The following PDE4D variants were observed in gnomAD, a reference collection of about 807,000 sequenced individuals.
The protein encoded by PDE4D is 3',5'-cyclic-AMP phosphodiesterase 4D.
Under a neutral mutation model 87.4 loss-of-function variants are expected in PDE4D, and 24 were observed. The observed-to-expected ratio is 0.27, with a 90% CI of 0.20 to 0.39. The LOEUF (loss-of-function observed/expected upper bound fraction) is 0.39, where lower values mean the gene tolerates loss of function less well. PDE4D is among the 10% of genes least tolerant of loss of function. The pLI is 1.00. For missense variants in PDE4D, 714 were observed against 1,041.0 expected, an observed-to-expected ratio of 0.69 and a Z score of 4.32; for synonymous variants, 384 against 383.2, an observed-to-expected ratio of 1.00 and a Z score of -0.02.
intron 2 of PDE4D, among the ~76,000 whole-genome samples, chr5:60,161,352 TC>T (rs1782460468): frequency 6.6e-6 from 1 of 152,040 alleles, no homozygotes; most frequent in Non-Finnish European, 1.5e-5. Flanking sequence ...ATCACCCATG[TC>T]CCCCTTCTTC....
intron 1 of PDE4D, among the ~76,000 whole-genome samples, chr5:59,850,716 A>C (rs7705119): frequency 6.6e-6 from 1 of 151,898 alleles, no homozygotes; most frequent in East Asian, 1.9e-4. Flanking sequence ...CCGTGGGAGG[A>C]GTCATGGCTT....
intron 2 of PDE4D, among the ~76,000 whole-genome samples, chr5:60,037,460 AATACATATAACTTAC>A (rs2152864740): frequency 6.6e-6 from 1 of 152,300 alleles, no homozygotes; most frequent in South Asian, 2.1e-4. Flanking sequence ...GACTCTCACT[AATACATATAACTTAC>A]TTTTTAGTCT....
intron 1 of PDE4D, among the ~76,000 whole-genome samples, chr5:60,218,550 G>A (rs1369619661): frequency 6.6e-6 from 1 of 151,976 alleles, no homozygotes; most frequent in Non-Finnish European, 1.5e-5. Flanking sequence ...CCACACAGAT[G>A]TCCTAATTCC....
At chr5:60,482,743 A>G (rs1748829747) in intron 1 of PDE4D, among the ~76,000 whole-genome samples, 1 of 152,240 alleles carries the variant, frequency 6.6e-6, no homozygotes, top group Non-Finnish European at 1.5e-5. Context: ...TGTAGAATCT[A>G]ATAAGGATAT....
At chr5:59,842,352 T>G (rs985456038) in intron 1 of PDE4D, among the ~76,000 whole-genome samples, 2 of 152,032 alleles carry the variant, frequency 1.3e-5, no homozygotes, top group Admixed American at 6.6e-5. Flanking sequence ...TCCTCAAGAC[T>G]TTAGTGTATT....
chr5:59,079,694 G>A (rs1766338893), intron 5 of PDE4D, among the ~76,000 whole-genome samples: 1 of 106,538 alleles, frequency 9.4e-6, no homozygotes, highest in Admixed American at 9.5e-5. Context: ...ATAATAATAA[G>A]CTGGGCATAA....
intron 1 of PDE4D, among the ~76,000 whole-genome samples, chr5:60,431,277 G>C (rs1008971475): frequency 6.6e-6 from 1 of 151,422 alleles, no homozygotes; most frequent in South Asian, 2.1e-4. Context: ...CTTCTCAGAC[G>C]GGGCAGCTGC....
Position 59,142,778 on chromosome 5 carries a change from G to A in PDE4D, c.808+37817C>T, listed in dbSNP as rs186198100. ...TAAAAATACAACAAATTAGCCAGGCGTGGTGGCACACGCCTGTAGTCCCAG... is the reference window on the plus strand; with the variant it reads ...TAAAAATACAACAAATTAGCCAGGCATGGTGGCACACGCCTGTAGTCCCAG... On this transcript the variant is annotated intron_variant, in intron 5 of 14. Coordinates refer to ENST00000340635, the MANE Select transcript of PDE4D (RefSeq NM_001104631.2). Among the ~76,000 whole-genome samples, 1,095 of 152,240 alleles carry A rather than the reference G, an allele frequency of 7.2e-3. 16 individuals carry two copies. Among genetic ancestry groups the A allele is most frequent in the Non-Finnish European group, 8.1e-3 (553 of 68,012 alleles).
At position 60,485,571 on chromosome 5, in the gene PDE4D, G is replaced by A. The variant is rs1041322258; in HGVS notation, c.-90+2371C>T. Among the ~76,000 whole-genome samples, 15 of 152,184 alleles carry A rather than the reference G, an allele frequency of 9.9e-5. No homozygotes were observed. The South Asian group carries it at 1.7e-3, about 17-fold the overall frequency. The stretch of plus-strand genomic sequence containing the variant: ...ACATTCCTTTTTGGATACATCTTTC[G>A]TCAAATCCATCTGTCTATGGCAGAT... On this transcript the variant is annotated intron_variant, in intron 1 of 16. Transcript: ENST00000502484.
intron 1 of PDE4D, among the ~76,000 whole-genome samples, chr5:59,692,272 A>T (rs1229062082): frequency 6.6e-6 from 1 of 152,134 alleles, no homozygotes; most frequent in East Asian, 1.9e-4. Flanking sequence ...GGAGGGTCTT[A>T]AGGATCCGCT....
At chr5:59,139,402 G>A (rs779139225) in intron 5 of PDE4D, among the ~76,000 whole-genome samples, 4 of 152,142 alleles carry the variant, frequency 2.6e-5, no homozygotes, top group Admixed American at 6.5e-5. Flanking sequence ...TCATTTTACC[G>A]CAGAACATTG....
rs574826015 is a variant in PDE4D, at chr5:59,726,846, AATATAGAAGATCAACT to A, written c.455+166306_455+166321del. On this transcript the variant is annotated intron_variant, in intron 1 of 14. Coordinates refer to ENST00000340635, the MANE Select transcript of PDE4D (RefSeq NM_001104631.2). ...ATACATATATGTAAACTATATTTTG[AATATAGAAGATCAACT>A]ATATAGAAGATCAACTATATAGCCA... Among the ~76,000 whole-genome samples, 1,198 of 152,230 alleles carry A rather than the reference AATATAGAAGATCAACT, an allele frequency of 7.9e-3. 12 individuals are homozygous for A. The highest frequency in any genetic ancestry group is 0.012 in the Non-Finnish European group (793 of 67,998).
At chr5:60,320,881 C>A (rs1413964695) in intron 1 of PDE4D, among the ~76,000 whole-genome samples, 3 of 151,982 alleles carry the variant, frequency 2.0e-5, no homozygotes, top group Non-Finnish European at 4.4e-5. Context: ...AATTACAAAA[C>A]AATGCTCAAA....
At chr5:59,068,959 A>C (rs540701838) in intron 5 of PDE4D, among the ~76,000 whole-genome samples, 5 of 152,196 alleles carry the variant, frequency 3.3e-5, no homozygotes, top group African/African-American at 1.2e-4. Context: ...GAACATTTCA[A>C]CTTGACCTGG....
At chr5:59,981,072 C>T (rs946295258) in intron 3 of PDE4D, among the ~76,000 whole-genome samples, 2 of 151,840 alleles carry the variant, frequency 1.3e-5, no homozygotes, top group Admixed American at 1.3e-4. Context: ...GCCAACATGG[C>T]AAAACCCCAT....
intron 1 of PDE4D, among the ~76,000 whole-genome samples, chr5:59,706,577 A>G (rs971551200): frequency 1.4e-4 from 21 of 152,198 alleles, no homozygotes; most frequent in Non-Finnish European, 2.2e-4. Context: ...TGAGAACATA[A>G]GTCTACCCAA....
chr5:59,582,455 G>C (rs1359721804), intron 1 of PDE4D, among the ~76,000 whole-genome samples: 1 of 152,088 alleles, frequency 6.6e-6, no homozygotes, highest in African/African-American at 2.4e-5. Context: ...CTTTTCATTA[G>C]AAGGCAGGCC....
At chr5:59,282,788 G>A (rs964592551) in intron 1 of PDE4D, among the ~76,000 whole-genome samples, 2 of 151,934 alleles carry the variant, frequency 1.3e-5, no homozygotes, top group African/African-American at 4.8e-5. Context: ...CTCTCATCAG[G>A]ACCTTTAAAT....
At chr5:60,501,823 T>G (rs1353089091) in intron 1 of PDE4D, among the ~76,000 whole-genome samples, 2 of 152,260 alleles carry the variant, frequency 1.3e-5, no homozygotes, top group Non-Finnish European at 2.9e-5. Context: ...TCTGTTCGTG[T>G]CCTTCGCCCA....
Sources: gnomAD v4.1 joint callset for allele counts (sites outside exome capture counted in the v4.1 genomes callset) on GRCh38, gnomAD v4.1.1 for gene constraint, MANE v1.5 for transcripts, NCBI Gene and HGNC (gene_info 2026-07-23, HGNC 2026-07-21) for gene names.